CDK19: variants seen among roughly 807,000 people sequenced by gnomAD.
The protein encoded by CDK19 is cyclin dependent kinase 19.
Under a neutral mutation model 68.3 loss-of-function variants are expected in CDK19, and 20 were observed. The observed-to-expected ratio is 0.29, with a 90% CI of 0.21 to 0.43. CDK19 has a LOEUF of 0.43. CDK19 is among the 20% of genes least tolerant of loss of function. The pLI, the probability that CDK19 is intolerant of heterozygous loss-of-function variation, is 1.00. For synonymous variants in CDK19, 221 were observed against 222.8 expected (o/e 0.99, Z 0.07); for missense variants, 339 against 623.5 (o/e 0.54, Z 4.86).
intron 2 of CDK19, among the ~76,000 whole-genome samples, chr6:110,731,635 T>C (rs1776767165): frequency 6.6e-6 from 1 of 152,190 alleles, no homozygotes; most frequent in Non-Finnish European, 1.5e-5. Flanking sequence ...AAAAATATAC[T>C]AGCACTGGGT....
intron 1 of CDK19, among the ~76,000 whole-genome samples, chr6:110,775,715 C>T (rs1021346236): frequency 1.3e-5 from 2 of 152,006 alleles, no homozygotes; most frequent in Admixed American, 1.3e-4. Flanking sequence ...AAAAATGAAT[C>T]AGATAAATTT....
intron 2 of CDK19, among the ~76,000 whole-genome samples, chr6:110,744,515 G>A (rs1224153763): frequency 1.3e-5 from 2 of 152,040 alleles, no homozygotes; most frequent in Non-Finnish European, 2.9e-5. Context: ...CTGGGTGGCA[G>A]AGCAAGACCT....
chr6:110,814,771 G>A (rs1161339382), intron 1 of CDK19: 1 of 661,646 alleles, frequency 1.5e-6, no homozygotes. Flanking sequence ...GCCCCTCTGG[G>A]ACGGGACCGA....
At chr6:110,794,459 T>A (rs1781801055) in intron 1 of CDK19, among the ~76,000 whole-genome samples, 1 of 149,172 alleles carries the variant, frequency 6.7e-6, no homozygotes, top group African/African-American at 2.5e-5. Flanking sequence ...TGGAGTGCAG[T>A]AGCGTCATCT....
At chr6:110,722,989 C>G (rs1260014054) in intron 2 of CDK19, among the ~76,000 whole-genome samples, 1 of 152,010 alleles carries the variant, frequency 6.6e-6, no homozygotes, top group African/African-American at 2.4e-5. Context: ...ATGGTCACAA[C>G]AGTATCTTTG....
chr6:110,769,570 A>G (rs1779852773), intron 1 of CDK19, among the ~76,000 whole-genome samples: 3 of 140,564 alleles, frequency 2.1e-5, no homozygotes, highest in African/African-American at 8.2e-5. Context: ...ATCTCAAAAA[A>G]AAAAAAAAAT....
chr6:110,772,720 C>T (rs547717075), intron 1 of CDK19, among the ~76,000 whole-genome samples: 33 of 152,150 alleles, frequency 2.2e-4, no homozygotes, highest in African/African-American at 6.5e-4. Flanking sequence ...AAGCAAGACC[C>T]TGTCTCTACA....
At chr6:110,696,230 T>C (rs1773473481) in intron 2 of CDK19, among the ~76,000 whole-genome samples, 1 of 152,140 alleles carries the variant, frequency 6.6e-6, no homozygotes, top group Non-Finnish European at 1.5e-5. Context: ...CACATAATCA[T>C]AGTTAAAAAC....
intron 2 of CDK19, among the ~76,000 whole-genome samples, chr6:110,696,150 A>G (rs1403043346): frequency 6.6e-6 from 1 of 152,224 alleles, no homozygotes; most frequent in African/African-American, 2.4e-5. Context: ...ATAATACACC[A>G]TGATCAAGTG....
intron 2 of CDK19, among the ~76,000 whole-genome samples, chr6:110,733,343 T>A (rs2114807358): frequency 6.6e-6 from 1 of 152,334 alleles, no homozygotes; most frequent in East Asian, 1.9e-4. Context: ...ATTGATCCAC[T>A]CTCCTATGGC....
chr6:110,694,207 C>A (rs952508987), intron 2 of CDK19, among the ~76,000 whole-genome samples: 4 of 152,032 alleles, frequency 2.6e-5, no homozygotes, highest in Admixed American at 2.6e-4. Flanking sequence ...TGACAGAATG[C>A]ATAAAAACCC....
intron 4 of CDK19, among the ~76,000 whole-genome samples, chr6:110,644,571 T>C (rs1391108277): frequency 1.3e-5 from 2 of 152,244 alleles, no homozygotes; most frequent in Admixed American, 6.5e-5. Flanking sequence ...ATACCCCATT[T>C]ACCCTCTTGT....
At chr6:110,647,475 A>C (rs1325733420) in intron 4 of CDK19, among the ~76,000 whole-genome samples, 1 of 152,224 alleles carries the variant, frequency 6.6e-6, no homozygotes, top group East Asian at 1.9e-4. Flanking sequence ...AAGAAGAGAG[A>C]AAGTGCAAAT....
At chr6:110,729,510 C>A (rs1776588937) in intron 2 of CDK19, among the ~76,000 whole-genome samples, 1 of 152,126 alleles carries the variant, frequency 6.6e-6, no homozygotes, top group Non-Finnish European at 1.5e-5. Context: ...TTCAGTGCAA[C>A]CTCTGCCTCC....
At chr6:110,699,786 T>C (rs1185137123) in intron 2 of CDK19, among the ~76,000 whole-genome samples, 1 of 152,174 alleles carries the variant, frequency 6.6e-6, no homozygotes, top group African/African-American at 2.4e-5. Flanking sequence ...TACAGAACTA[T>C]CTTGTACAGA....
chr6:110,614,967 C>T (rs1778220809), intron 12 of CDK19, among the ~76,000 whole-genome samples: 1 of 152,142 alleles, frequency 6.6e-6, no homozygotes, highest in Admixed American at 6.5e-5. Context: ...TATTCCAATT[C>T]TGGGGTGTAA....
At chr6:110,792,159 C>T (rs1781641924) in intron 1 of CDK19, among the ~76,000 whole-genome samples, 2 of 151,724 alleles carry the variant, frequency 1.3e-5, no homozygotes. Context: ...TTAGTAGAGA[C>T]AGGGTTTCAC....
chr6:110,716,411 T>C (rs958438385), intron 2 of CDK19, among the ~76,000 whole-genome samples: 2 of 151,872 alleles, frequency 1.3e-5, no homozygotes, highest in Non-Finnish European at 2.9e-5. Flanking sequence ...AAACTTTAAT[T>C]GAAAAATTGT....
intron 1 of CDK19, among the ~76,000 whole-genome samples, chr6:110,759,978 T>C (rs1779119410): frequency 6.6e-6 from 1 of 152,200 alleles, no homozygotes. Flanking sequence ...ACAGCATTTT[T>C]CCATTTACCA....
Sources: gnomAD v4.1 joint callset for allele counts (sites outside exome capture counted in the v4.1 genomes callset) on GRCh38, gnomAD v4.1.1 for gene constraint, MANE v1.5 for transcripts, NCBI Gene and HGNC (gene_info 2026-07-23, HGNC 2026-07-21) for gene names.